MMP26: variants seen among roughly 807,000 people sequenced by gnomAD.
MMP26 encodes the protein matrix metalloproteinase-26.
MMP26 carries 33 observed loss-of-function variants against 31.0 expected under a neutral mutation model. The observed-to-expected ratio is 1.06, with a 90% confidence interval of 0.81 to 1.42. The LOEUF is 1.42. MMP26 is among the 40% of genes most tolerant of loss of function. MMP26 has a pLI of 0.00. For missense variants in MMP26, 347 were observed against 316.1 expected, an observed-to-expected ratio of 1.10 and a Z score of -0.74; for synonymous variants, 122 against 114.9, an observed-to-expected ratio of 1.06 and a Z score of -0.40.
intron 2 of MMP26, among the ~76,000 whole-genome samples, chr11:4,791,135 G>A (rs1849021093): frequency 1.3e-5 from 2 of 152,132 alleles, no homozygotes; most frequent in South Asian, 4.1e-4. Context: ...ATAAATAAAA[G>A]AGGCCACAAT....
At chr11:4,766,373 C>A (rs1848628715) in intron 1 of MMP26, among the ~76,000 whole-genome samples, 2 of 152,152 alleles carry the variant, frequency 1.3e-5, no homozygotes. Flanking sequence ...AGGACTTTTG[C>A]ATAATCAGTG....
At chr11:4,726,748 T>G (rs1211900398) in intron 1 of MMP26, among the ~76,000 whole-genome samples, 2 of 152,212 alleles carry the variant, frequency 1.3e-5, no homozygotes, top group African/African-American at 2.4e-5. Context: ...GCTTCACGCT[T>G]GTAATCCCAG....
chr11:4,921,901 A>G (rs1381433122), intron 2 of MMP26, among the ~76,000 whole-genome samples: 2 of 152,204 alleles, frequency 1.3e-5, no homozygotes, highest in East Asian at 3.9e-4. Context: ...TGTTACATAG[A>G]TATATTGCAT....
intron 2 of MMP26, among the ~76,000 whole-genome samples, chr11:4,921,321 G>A (rs1851181188): frequency 6.6e-6 from 1 of 152,186 alleles, no homozygotes; most frequent in Non-Finnish European, 1.5e-5. Flanking sequence ...GAGGCATACT[G>A]ACTTTTCCAA....
chr11:4,955,891 A>T (rs60485511), intron 2 of MMP26, among the ~76,000 whole-genome samples: 39,502 of 151,534 alleles, frequency 0.26, 5,541 homozygotes, highest in Admixed American at 0.35. Context: ...TGGCTATCAT[A>T]ATGAAGAGAG....
At chr11:4,915,012 G>A (rs1337431064) in intron 2 of MMP26, 2 of 1,614,002 alleles carry the variant, frequency 1.2e-6, no homozygotes, top group Non-Finnish European at 1.7e-6. Context: ...AAGAGGATGA[G>A]CAGTGAGTCT....
chr11:4,730,068 C>A (rs1848153657), intron 1 of MMP26, among the ~76,000 whole-genome samples: 1 of 152,046 alleles, frequency 6.6e-6, no homozygotes, highest in South Asian at 2.1e-4. Flanking sequence ...TACACATCAC[C>A]TTTTCTTTAG....
chr11:4,858,576 C>T (rs1194781712), intron 2 of MMP26, among the ~76,000 whole-genome samples: 1 of 152,076 alleles, frequency 6.6e-6, no homozygotes. Flanking sequence ...TAAAAGAGGA[C>T]ACAAACAAAT....
chr11:4,879,337 A>C lies in MMP26; in HGVS notation c.-144-108731A>C, dbSNP rs74800550. Among the ~76,000 whole-genome samples the C allele has an allele frequency of 4.9e-3, 749 of 152,290 alleles. 6 individuals are homozygous for C. The highest frequency in any genetic ancestry group is 0.016 in the African/African-American group (681 of 41,572). ...TGGATTCCAGTCTAAATGAAGCTTA[A>C]ACCATATGTGGGCACACAGTTGGGA... On this transcript the variant is annotated intron_variant, in intron 2 of 7. Coordinates refer to ENST00000380390, the MANE Select transcript of MMP26 (RefSeq NM_021801.5).
chr11:4,779,161 G>A (rs1213169702), intron 2 of MMP26, among the ~76,000 whole-genome samples: 2 of 151,928 alleles, frequency 1.3e-5, no homozygotes, highest in Admixed American at 6.6e-5. Context: ...AAGTGGTGAT[G>A]TTAGGCATCA....
chr11:4,980,442 A>G (rs1453379510), intron 2 of MMP26, among the ~76,000 whole-genome samples: 1 of 152,128 alleles, frequency 6.6e-6, no homozygotes, highest in Non-Finnish European at 1.5e-5. Context: ...TATACAATGT[A>G]TATATTGAAC....
rs539224255 is a variant in MMP26 at position 4,928,854 on chromosome 11, A to G, written c.-144-59214A>G. On this transcript the variant is annotated intron_variant, in intron 2 of 7. Transcript: ENST00000380390. ...AGATCCCATCTCTCTTTTCTTGACC[A>G]TTTGCAGTGGAATATTAAAGCTAAA... 1.2e-4 allele frequency among the ~76,000 whole-genome samples: 18 copies of G among 152,180 alleles called. No homozygotes were observed. In the Middle Eastern group the frequency reaches 0.01, roughly 86 times the overall value.
At chr11:4,985,908 T>C (rs917767749) in intron 2 of MMP26, among the ~76,000 whole-genome samples, 3 of 152,188 alleles carry the variant, frequency 2.0e-5, no homozygotes, top group Non-Finnish European at 2.9e-5. Context: ...GCAACCACTA[T>C]ACTCATTGCT....
intron 2 of MMP26, chr11:4,882,631 C>A: frequency 1.2e-6 from 2 of 1,613,928 alleles, no homozygotes; most frequent in Non-Finnish European, 1.7e-6. Flanking sequence ...GCACTTGTGT[C>A]TGTCACATCT....
At chr11:4,907,314 C>G in intron 2 of MMP26, 1 of 1,223,248 alleles carries the variant, frequency 8.2e-7, no homozygotes, top group Non-Finnish European at 1.2e-6. Context: ...AAAAGCATGA[C>G]TGCTTTTCAT....
chr11:4,769,286 A>G (rs1045189395), intron 2 of MMP26: 14 of 1,613,588 alleles, frequency 8.7e-6, no homozygotes, highest in Non-Finnish European at 1.2e-5. Context: ...TGGTGTATCT[A>G]TTCCAGTGGT....
At chr11:4,978,354 C>G (rs986111835) in intron 2 of MMP26, among the ~76,000 whole-genome samples, 1 of 152,142 alleles carries the variant, frequency 6.6e-6, no homozygotes, top group East Asian at 1.9e-4. Context: ...TTGGCCACAT[C>G]AAGTGTCAGC....
At chr11:4,838,236 T>C (rs993815318) in intron 2 of MMP26, among the ~76,000 whole-genome samples, 1 of 134,568 alleles carries the variant, frequency 7.4e-6, no homozygotes, top group Non-Finnish European at 1.5e-5. Flanking sequence ...GAGAATGGCA[T>C]GAACCCAGGA....
At chr11:4,778,532 T>C (rs1305634083) in intron 2 of MMP26, among the ~76,000 whole-genome samples, 2 of 152,114 alleles carry the variant, frequency 1.3e-5, no homozygotes, top group Non-Finnish European at 2.9e-5. Flanking sequence ...CCCTGTAATA[T>C]GCTTTGATGC....
Sources: allele counts gnomAD v4.1 joint callset (sites outside exome capture counted in the v4.1 genomes callset), GRCh38; gene constraint gnomAD v4.1.1; transcripts MANE v1.5; gene names NCBI Gene and HGNC (gene_info 2026-07-23, HGNC 2026-07-21).